Variants in GNAQ observed in about 807,000 individuals in gnomAD.
GNAQ encodes the protein guanine nucleotide-binding protein G(q) subunit alpha.
In GNAQ, 8 loss-of-function variants were observed where a neutral mutation model predicts 43.9. The observed-to-expected ratio is 0.18, with a 90% CI of 0.11 to 0.33. The LOEUF is 0.33. Among genes scored for constraint, GNAQ ranks in the 10% least tolerant of loss-of-function variants. The pLI, the probability that GNAQ is intolerant of heterozygous loss-of-function variation, is 1.00. For missense variants in GNAQ, 158 were observed against 450.8 expected (o/e 0.35, Z 5.88); for synonymous variants, 155 against 170.7 (o/e 0.91, Z 0.71).
chr9:77,842,189 T>C (rs1303691283), intron 2 of GNAQ, among the ~76,000 whole-genome samples: 2 of 152,216 alleles, frequency 1.3e-5, no homozygotes, highest in African/African-American at 2.4e-5. Context: ...TCCCCTATTC[T>C]AGCTTTCCTC....
At chr9:77,738,922 C>A (rs1438076356) in intron 5 of GNAQ, among the ~76,000 whole-genome samples, 3 of 151,856 alleles carry the variant, frequency 2.0e-5, no homozygotes, top group Non-Finnish European at 4.4e-5. Context: ...CTTAACTGTA[C>A]TTCTACTGTG....
At chr9:77,821,624 C>G (rs368919850) in intron 2 of GNAQ, among the ~76,000 whole-genome samples, 32 of 151,842 alleles carry the variant, frequency 2.1e-4, no homozygotes, top group Non-Finnish European at 7.4e-5. Flanking sequence ...AAGAACACTG[C>G]CTTCAGGTCT....
At chr9:77,864,076 C>T (rs892771786) in intron 2 of GNAQ, among the ~76,000 whole-genome samples, 2 of 151,934 alleles carry the variant, frequency 1.3e-5, no homozygotes, top group African/African-American at 4.8e-5. Flanking sequence ...TGGGGAGGAC[C>T]TCAGGCTGCT....
At position 77,728,671 on chromosome 9, in the gene GNAQ, G is replaced by T; in HGVS notation, c.736-4C>A. The T allele has an allele frequency of 7.5e-7, 1 of 1,328,542 alleles. No individual in the cohort carries two copies. Among genetic ancestry groups the T allele is most frequent in the Non-Finnish European group, 1.0e-6 (1 of 967,168 alleles). The allele number at this position is 1,328,542 out of a possible 1,614,324, so 82.3% of individuals were successfully genotyped here. A position where few individuals can be genotyped will look rare whatever the true frequency, so the allele number is the denominator to read the frequency against. On this transcript the variant is annotated splice_polypyrimidine_tract_variant and splice_region_variant and intron_variant, in intron 5 of 6. Transcript: ENST00000286548. ...CCTTGCTTTCCTCCATTCGGTTCTG[G>T]AAAAAAAAAAAAAATCAGAAAAAAC...
chr9:77,921,834 T>C (rs1829000839), intron 2 of GNAQ, among the ~76,000 whole-genome samples: 1 of 152,216 alleles, frequency 6.6e-6, no homozygotes, highest in Non-Finnish European at 1.5e-5. Flanking sequence ...CAATTTATGA[T>C]ACTTACAAAC....
chr9:77,763,362 A>G (rs547635597), intron 5 of GNAQ, among the ~76,000 whole-genome samples: 105 of 152,326 alleles, frequency 6.9e-4, no homozygotes, highest in South Asian at 3.5e-3. Flanking sequence ...GTGGTGGCTC[A>G]TGCCTGTAAT....
At chr9:77,801,556 C>A (rs1019559558) in intron 3 of GNAQ, among the ~76,000 whole-genome samples, 2 of 152,160 alleles carry the variant, frequency 1.3e-5, no homozygotes, top group African/African-American at 4.8e-5. Context: ...GCAGTTTTTG[C>A]TTGCCATTCT....
In GNAQ at chr9:77,807,645, A is replaced by C. The variant is rs551687626; in HGVS notation, c.476+7971T>G. Among the ~76,000 whole-genome samples, 373 of 152,306 alleles carry C rather than the reference A, an allele frequency of 2.4e-3. 2 individuals carry two copies. Among genetic ancestry groups the C allele is most frequent in the African/African-American group, 8.5e-3 (355 of 41,566 alleles). ...CTCTAGAGGACTGCTGAAGGAATGC[A>C]GGCCATTGCTTCACTCAGTACTCTA... On this transcript the variant is annotated intron_variant, in intron 3 of 6. Coordinates refer to ENST00000286548, the MANE Select transcript of GNAQ (RefSeq NM_002072.5).
At chr9:77,790,434 T>C (rs568697751) in intron 5 of GNAQ, among the ~76,000 whole-genome samples, 134 of 152,318 alleles carry the variant, frequency 8.8e-4, no homozygotes, top group African/African-American at 3.1e-3. Context: ...AACTTCAAAA[T>C]GGCTTCATTT....
chr9:77,937,319 T>A (rs912667915), intron 1 of GNAQ, among the ~76,000 whole-genome samples: 6 of 152,046 alleles, frequency 3.9e-5, no homozygotes, highest in African/African-American at 1.4e-4. Flanking sequence ...ATGTCTGTAA[T>A]CCCAGCTACT....
At chr9:77,895,795 G>T (rs1229770367) in intron 2 of GNAQ, among the ~76,000 whole-genome samples, 1 of 152,098 alleles carries the variant, frequency 6.6e-6, no homozygotes, top group African/African-American at 2.4e-5. Flanking sequence ...GGTGCTGTTC[G>T]CATAATGGTG....
chr9:77,734,102 A>T (rs964321914), intron 5 of GNAQ, among the ~76,000 whole-genome samples: 1 of 152,170 alleles, frequency 6.6e-6, no homozygotes, highest in Non-Finnish European at 1.5e-5. Flanking sequence ...CGAAGTCAAC[A>T]TTTACTCAGC....
intron 1 of GNAQ, among the ~76,000 whole-genome samples, chr9:78,015,721 T>C (rs7040643): frequency 0.31 from 46,780 of 151,638 alleles, 7,466 homozygotes; most frequent in South Asian, 0.44. Context: ...GAAAAAAAAC[T>C]ACAACCACTT....
At chr9:77,748,079 T>C (rs1436212291) in intron 5 of GNAQ, among the ~76,000 whole-genome samples, 1 of 152,164 alleles carries the variant, frequency 6.6e-6, no homozygotes, top group African/African-American at 2.4e-5. Flanking sequence ...TCTTGGGAAG[T>C]CCTTTCACCA....
intron 1 of GNAQ, among the ~76,000 whole-genome samples, chr9:78,009,731 T>C (rs376526948): frequency 1.7e-3 from 257 of 152,098 alleles, no homozygotes; most frequent in South Asian, 9.3e-3. Flanking sequence ...ATGCTAGAAA[T>C]TGGGAATAAA....
rs147420196 is a variant in GNAQ at position 77,937,718 on chromosome 9, C to G, written c.137-15373G>C. Among the ~76,000 whole-genome samples the G allele has an allele frequency of 1.2e-4, 18 of 151,876 alleles. No homozygotes were observed. In the South Asian group the frequency reaches 3.7e-3, roughly 32 times the overall value. ...AATCAGTCTGACCAACATGGTGAAACCCTGTCTCTACTAAAAATACAAAAT... is the reference window on the plus strand; with the variant it reads ...AATCAGTCTGACCAACATGGTGAAAGCCTGTCTCTACTAAAAATACAAAAT... On this transcript the variant is annotated intron_variant, in intron 1 of 6. Transcript: ENST00000286548.
chr9:77,998,594 G>C (rs1265672196), intron 1 of GNAQ, among the ~76,000 whole-genome samples: 2 of 152,124 alleles, frequency 1.3e-5, no homozygotes, highest in Admixed American at 6.5e-5. Flanking sequence ...CAAATTACCT[G>C]ATACATGTAG....
chr9:77,753,287 G>GCACACACA (rs1307299917), intron 5 of GNAQ, among the ~76,000 whole-genome samples: 3 of 150,774 alleles, frequency 2.0e-5, no homozygotes, highest in Admixed American at 2.0e-4. Flanking sequence ...GCGTGCGCAC[G>GCACACACA]CGCACACACA....
chr9:77,760,604 A>G (rs1007132622), intron 5 of GNAQ, among the ~76,000 whole-genome samples: 7 of 152,090 alleles, frequency 4.6e-5, no homozygotes, highest in African/African-American at 1.7e-4. Flanking sequence ...AAGTGCCCAG[A>G]GTGCAGCCTC....
Sources: allele counts gnomAD v4.1 joint callset (sites outside exome capture counted in the v4.1 genomes callset), GRCh38; gene constraint gnomAD v4.1.1; transcripts MANE v1.5; gene names NCBI Gene and HGNC (gene_info 2026-07-23, HGNC 2026-07-21).